The following KLF12 variants were observed in gnomAD, a reference collection of about 807,000 sequenced individuals.
KLF12 encodes the protein Krueppel-like factor 12.
A neutral mutation model predicts 37.8 loss-of-function variants in KLF12; 9 were observed. The observed-to-expected ratio is 0.24, with a 90% confidence interval of 0.14 to 0.42. The LOEUF (loss-of-function observed/expected upper bound fraction) is 0.42. Among genes scored for constraint, KLF12 ranks in the 10% least tolerant of loss-of-function variants. The pLI is 1.00. For synonymous variants in KLF12, 208 were observed against 202.1 expected (o/e 1.03, Z -0.25); for missense variants, 411 against 516.0 (o/e 0.80, Z 1.97).
At chr13:74,293,675 A>G in the KLF12 span, among the ~76,000 whole-genome samples, 3 of 152,212 alleles carry the variant, frequency 2.0e-5, no homozygotes, top group Admixed American at 6.5e-5. Flanking sequence ...ATCCCTGCTG[A>G]CATTCCAAAC....
chr13:73,951,084 T>C (rs924966132), intron 2 of KLF12, among the ~76,000 whole-genome samples: 10 of 152,210 alleles, frequency 6.6e-5, no homozygotes, highest in Non-Finnish European at 1.3e-4. Context: ...AGAAGTACAT[T>C]TGCAATACAA....
intron 6 of KLF12, among the ~76,000 whole-genome samples, chr13:73,742,343 G>T (rs113070011): frequency 0.018 from 2,815 of 152,174 alleles, 71 homozygotes; most frequent in African/African-American, 0.061. Context: ...AGTCAAACCT[G>T]AGCTCAAAAT....
At chr13:74,060,496 G>GTGTCTGTGTGTGTGTC (rs1555336658) in intron 1 of KLF12, among the ~76,000 whole-genome samples, 1 of 141,946 alleles carries the variant, frequency 7.0e-6, no homozygotes, top group Non-Finnish European at 1.5e-5. Flanking sequence ...GTGTGTGTGT[G>GTGTCTGTGTGTGTGTC]TGTGTGTGTG....
At chr13:74,109,159 C>T (rs1414626341) in intron 1 of KLF12, among the ~76,000 whole-genome samples, 1 of 152,018 alleles carries the variant, frequency 6.6e-6, no homozygotes, top group Non-Finnish European at 1.5e-5. Context: ...AAATCATCAA[C>T]TAGTTTTTGA....
At chr13:73,923,900 T>C (rs1889242554) in intron 3 of KLF12, among the ~76,000 whole-genome samples, 2 of 152,202 alleles carry the variant, frequency 1.3e-5, no homozygotes, top group Admixed American at 1.3e-4. Context: ...CAGACACTGA[T>C]CATCAATACC....
intron 3 of KLF12, among the ~76,000 whole-genome samples, chr13:73,868,673 G>C (rs1886318473): frequency 6.6e-6 from 1 of 152,108 alleles, no homozygotes; most frequent in Non-Finnish European, 1.5e-5. Context: ...TTACAGGCGT[G>C]AGCCACTACG....
the KLF12 span, among the ~76,000 whole-genome samples, chr13:74,297,329 C>A: frequency 0.66 from 101,117 of 152,056 alleles, 37,898 homozygotes; most frequent in Non-Finnish European, 0.84. Flanking sequence ...CAAATATATA[C>A]AGAAACACTG....
chr13:74,277,195 G>T, the KLF12 span, among the ~76,000 whole-genome samples: 162 of 152,306 alleles, frequency 1.1e-3, no homozygotes, highest in Middle Eastern at 3.4e-3. Flanking sequence ...GCCATCTGCA[G>T]TGTAGCTATT....
intron 1 of KLF12, among the ~76,000 whole-genome samples, chr13:74,031,237 G>A (rs1412848491): frequency 6.6e-6 from 1 of 152,036 alleles, no homozygotes; most frequent in Middle Eastern, 3.2e-3. Flanking sequence ...GACTTTATAT[G>A]TGATTTAAAA....
chr13:74,006,364 TTCTC>T (rs528621322), intron 1 of KLF12, among the ~76,000 whole-genome samples: 1 of 152,134 alleles, frequency 6.6e-6, no homozygotes, highest in Non-Finnish European at 1.5e-5. Flanking sequence ...AACACATGCT[TTCTC>T]TCTGTGTTTG....
rs539615371 is a variant in KLF12 at position 73,996,725 on chromosome 13, G to A, written c.-31-1672C>T. Among the ~76,000 whole-genome samples the A allele has an allele frequency of 1.2e-4, 19 of 152,252 alleles. No homozygotes were observed. In the South Asian group the frequency reaches 2.9e-3, roughly 23 times the overall value. On this transcript the variant is annotated intron_variant, in intron 1 of 7. Transcript: ENST00000377669. The stretch of plus-strand genomic sequence containing the variant: ...GTCTGAATGATGCCTTTAAGCAAAT[G>A]GAAAGGATGCCTCCTCTGGACAGAC...
the KLF12 span, among the ~76,000 whole-genome samples, chr13:74,231,219 C>G: frequency 6.6e-6 from 1 of 150,958 alleles, no homozygotes; most frequent in Non-Finnish European, 1.5e-5. Context: ...TTTTTTCCCT[C>G]TGTATCTCCA....
intron 4 of KLF12, among the ~76,000 whole-genome samples, chr13:73,834,852 TG>T (rs1433611264): frequency 6.6e-6 from 1 of 152,206 alleles, no homozygotes; most frequent in African/African-American, 2.4e-5. Flanking sequence ...TCTAGGGCAC[TG>T]GTATCCTTGC....
At chr13:74,105,904 T>G (rs367785159) in intron 1 of KLF12, among the ~76,000 whole-genome samples, 6 of 152,320 alleles carry the variant, frequency 3.9e-5, no homozygotes, top group Admixed American at 6.5e-5. Context: ...GACTTCAGCA[T>G]GGCCACTGAT....
chr13:74,199,846 G>C, the KLF12 span, among the ~76,000 whole-genome samples: 2 of 152,032 alleles, frequency 1.3e-5, no homozygotes. Context: ...GTGGTGATCT[G>C]TCCCTGAACT....
chr13:73,877,096 G>A (rs891976275), intron 3 of KLF12, among the ~76,000 whole-genome samples: 3 of 151,874 alleles, frequency 2.0e-5, no homozygotes, highest in African/African-American at 7.3e-5. Flanking sequence ...ATTTCTTTGG[G>A]AAATTATACA....
chr13:74,050,526 C>T (rs961315987), intron 1 of KLF12, among the ~76,000 whole-genome samples: 3 of 151,988 alleles, frequency 2.0e-5, no homozygotes, highest in Non-Finnish European at 4.4e-5. Flanking sequence ...ACCTGATGGC[C>T]CCAAGAAGAT....
At chr13:73,987,159 CTGAT>C (rs952417281) in intron 2 of KLF12, among the ~76,000 whole-genome samples, 2 of 152,044 alleles carry the variant, frequency 1.3e-5, no homozygotes, top group Admixed American at 6.6e-5. Context: ...CACTGAAAAA[CTGAT>C]TACGTGTAAG....
At chr13:73,938,935 G>A (rs929607402) in intron 3 of KLF12, among the ~76,000 whole-genome samples, 2 of 152,180 alleles carry the variant, frequency 1.3e-5, no homozygotes, top group African/African-American at 4.8e-5. Context: ...AGAGGCATCA[G>A]GCTCGCTTCC....
Sources: gnomAD v4.1 joint callset for allele counts (sites outside exome capture counted in the v4.1 genomes callset) on GRCh38, gnomAD v4.1.1 for gene constraint, MANE v1.5 for transcripts, NCBI Gene and HGNC (gene_info 2026-07-23, HGNC 2026-07-21) for gene names.